Variants in ASXL3 observed in about 807,000 individuals in gnomAD.
ASXL3 encodes putative Polycomb group protein ASXL3.
ASXL3 carries 34 observed loss-of-function variants against 170.6 expected under a neutral mutation model. That is an observed-to-expected ratio of 0.20 (90% CI 0.15 to 0.27). The LOEUF (loss-of-function observed/expected upper bound fraction) is 0.27, where lower values mean the gene tolerates loss of function less well. ASXL3 is among the 10% of genes least tolerant of loss of function. ASXL3 has a pLI of 1.00. For synonymous variants in ASXL3, 1,002 were observed against 989.1 expected, an observed-to-expected ratio of 1.01 and a Z score of -0.24; for missense variants, 2,592 against 2,695.3, an observed-to-expected ratio of 0.96 and a Z score of 0.85.
At position 33,651,359 on chromosome 18, in the gene ASXL3, A is replaced by G. The variant is rs576538087; in HGVS notation, c.355+5006A>G. On this transcript the variant is annotated intron_variant, in intron 4 of 11. Coordinates refer to ENST00000269197, the MANE Select transcript of ASXL3 (RefSeq NM_030632.3). ...CCACACTTCCTACAGCTGTACAAATATACTTTGAAAATGTGATCAGAGAGA... is the reference window on the plus strand; with the variant it reads ...CCACACTTCCTACAGCTGTACAAATGTACTTTGAAAATGTGATCAGAGAGA... Among the ~76,000 whole-genome samples the G allele has an allele frequency of 2.6e-5, 4 of 152,238 alleles. No individual in the cohort carries two copies. In the South Asian group the frequency reaches 8.3e-4, roughly 32 times the overall value.
chr18:33,602,275 A>G (rs1345212385), intron 1 of ASXL3, among the ~76,000 whole-genome samples: 3 of 152,116 alleles, frequency 2.0e-5, no homozygotes. Flanking sequence ...CCCTGGTGCC[A>G]AAAAGGTAGG....
intron 8 of ASXL3, among the ~76,000 whole-genome samples, chr18:33,685,551 A>C (rs1167881288): frequency 1.3e-5 from 2 of 152,212 alleles, no homozygotes; most frequent in Non-Finnish European, 2.9e-5. Context: ...TTCAGAAATA[A>C]GGTTTGGCAT....
Position 33,745,016 on chromosome 18 carries a change from C to A in ASXL3, c.5168C>A (p.Ala1723Asp), listed in dbSNP as rs746765868. ...CCCATGGAAGAGGCTATTTCCTTGG[C>A]TACCGATGCCCTGAAGAGAGTCCCT... is the stretch of plus-strand genomic sequence containing the variant. The part of the protein sequence containing the change: ...SSPMEEAISL[A>D]TDALKRVPGA... Residue 1723 changes from alanine to aspartate, a missense_variant, in exon 12 of 12, where the codon GCT becomes GAT. Coordinates refer to ENST00000269197, the MANE Select transcript of ASXL3 (RefSeq NM_030632.3). The A allele has an allele frequency of 6.2e-7, 1 of 1,613,996 alleles. No individual in the cohort carries two copies. Among genetic ancestry groups the A allele is most frequent in the Non-Finnish European group, 8.5e-7 (1 of 1,179,902 alleles).
At chr18:33,636,622 G>A (rs1444857823) in intron 2 of ASXL3, among the ~76,000 whole-genome samples, 1 of 152,206 alleles carries the variant, frequency 6.6e-6, no homozygotes, top group East Asian at 1.9e-4. Flanking sequence ...CATCAGTCAT[G>A]GGTACTGGAG....
chr18:33,700,726 A>G (rs920688559), intron 8 of ASXL3, among the ~76,000 whole-genome samples: 2 of 152,138 alleles, frequency 1.3e-5, no homozygotes, highest in Admixed American at 6.6e-5. Context: ...AGTGTTGGCT[A>G]TAGAATGGAA....
At chr18:33,647,578 A>G (rs1482090395) in intron 4 of ASXL3, among the ~76,000 whole-genome samples, 2 of 152,024 alleles carry the variant, frequency 1.3e-5, no homozygotes, top group Non-Finnish European at 2.9e-5. Context: ...TGAGTGGGGC[A>G]TACTTTTCCC....
At chr18:33,604,247 C>T (rs952129729) in intron 1 of ASXL3, among the ~76,000 whole-genome samples, 1 of 151,732 alleles carries the variant, frequency 6.6e-6, no homozygotes, top group Non-Finnish European at 1.5e-5. Flanking sequence ...TAATAATTAC[C>T]CTGATTTAGT....
At chr18:33,672,124 T>C (rs956765443) in intron 7 of ASXL3, among the ~76,000 whole-genome samples, 5 of 152,192 alleles carry the variant, frequency 3.3e-5, no homozygotes, top group Non-Finnish European at 7.3e-5. Flanking sequence ...ATGATACATG[T>C]AAAATAATTA....
At chr18:33,649,986 G>A (rs2065973004) in intron 4 of ASXL3, among the ~76,000 whole-genome samples, 1 of 152,060 alleles carries the variant, frequency 6.6e-6, no homozygotes, top group African/African-American at 2.4e-5. Context: ...GGCATCAGCG[G>A]CTGAAATTCA....
intron 8 of ASXL3, among the ~76,000 whole-genome samples, chr18:33,698,366 C>T (rs922975372): frequency 6.6e-6 from 1 of 152,078 alleles, no homozygotes; most frequent in Non-Finnish European, 1.5e-5. Flanking sequence ...CTATAAATTA[C>T]CCAGTCTTGA....
chr18:33,598,557 A>G (rs1014200388), intron 1 of ASXL3, among the ~76,000 whole-genome samples: 1 of 152,204 alleles, frequency 6.6e-6, no homozygotes, highest in Non-Finnish European at 1.5e-5. Flanking sequence ...TTTAACTGCC[A>G]TAAAATTGGG....
chr18:33,621,657 A>T (rs908361202), intron 2 of ASXL3, among the ~76,000 whole-genome samples: 1 of 152,130 alleles, frequency 6.6e-6, no homozygotes, highest in Admixed American at 6.6e-5. Flanking sequence ...GATTCCCACC[A>T]TGGGTTGGTG....
Position 33,578,523 on chromosome 18 carries a change from G to A in ASXL3, c.-109G>A. The A allele has an allele frequency of 1.8e-6, 1 of 557,948 alleles. No individual in the cohort carries two copies. The highest frequency in any genetic ancestry group is 2.4e-6 in the Non-Finnish European group (1 of 418,740). The allele number at this position is 557,948 out of a possible 1,614,324, so 34.6% of individuals were successfully genotyped here. On this transcript the variant is annotated 5_prime_UTR_variant, in exon 1 of 12. Coordinates refer to ENST00000269197, the MANE Select transcript of ASXL3 (RefSeq NM_030632.3). ...CCACCGCCCGCGCGCCTCCCCCCGC[G>A]GAGCGAGTGCGGGTCACCGGGTCAC...
At chr18:33,675,972 T>TC (rs762180933) in intron 7 of ASXL3, among the ~76,000 whole-genome samples, 50 of 150,266 alleles carry the variant, frequency 3.3e-4, no homozygotes, top group African/African-American at 9.5e-4. Flanking sequence ...ACACCTGTAA[T>TC]CCAGCACTTT....
chr18:33,716,468 A>G (rs1485503686), intron 8 of ASXL3, among the ~76,000 whole-genome samples: 1 of 152,220 alleles, frequency 6.6e-6, no homozygotes, highest in Non-Finnish European at 1.5e-5. Context: ...GAAACAAGGA[A>G]GTAAAAGCAT....
intron 10 of ASXL3, among the ~76,000 whole-genome samples, chr18:33,737,421 G>A (rs1023346078): frequency 6.6e-6 from 1 of 151,884 alleles, no homozygotes; most frequent in Admixed American, 6.6e-5. Flanking sequence ...TTGCCTTTAC[G>A]CTAATTTAAC....
intron 2 of ASXL3, among the ~76,000 whole-genome samples, chr18:33,623,337 C>T (rs2065547259): frequency 6.6e-6 from 1 of 152,088 alleles, no homozygotes; most frequent in Non-Finnish European, 1.5e-5. Context: ...CCATGGTGTC[C>T]TTGTTAATAC....
In ASXL3 at chr18:33,746,717, C is replaced by T; in HGVS notation, c.*122C>T. ...AATTTATTTTGCTTTGGAGCAGGTACCTTTCCTCTATGGCATTATTTTCTT... is the reference window on the plus strand; with the variant it reads ...AATTTATTTTGCTTTGGAGCAGGTATCTTTCCTCTATGGCATTATTTTCTT... On this transcript the variant is annotated 3_prime_UTR_variant, in exon 12 of 12. Coordinates refer to ENST00000269197, the MANE Select transcript of ASXL3 (RefSeq NM_030632.3). The T allele has an allele frequency of 7.0e-7, 1 of 1,432,072 alleles. No homozygotes were observed. The highest frequency in any genetic ancestry group is 9.2e-7 in the Non-Finnish European group (1 of 1,087,144). The allele number at this position is 1,432,072 out of a possible 1,614,324, so 88.7% of individuals were successfully genotyped here. A position where few individuals can be genotyped will look rare whatever the true frequency, so the allele number is the denominator to read the frequency against.
intron 8 of ASXL3, among the ~76,000 whole-genome samples, chr18:33,707,064 G>T (rs2066972576): frequency 6.6e-6 from 1 of 151,224 alleles, no homozygotes; most frequent in South Asian, 2.1e-4. Context: ...CCTTATATGT[G>T]AGCATCTATT....
Sources: allele counts gnomAD v4.1 joint callset (sites outside exome capture counted in the v4.1 genomes callset), GRCh38; gene constraint gnomAD v4.1.1; transcripts MANE v1.5; gene names NCBI Gene and HGNC (gene_info 2026-07-23, HGNC 2026-07-21).